The following RFX7 variants were observed in gnomAD, a reference collection of about 807,000 sequenced individuals.
The protein encoded by RFX7 is DNA-binding protein RFX7.
RFX7 carries 26 observed loss-of-function variants against 111.8 expected under a neutral mutation model. That is an observed-to-expected ratio of 0.23 (90% confidence interval 0.17 to 0.32). The LOEUF (loss-of-function observed/expected upper bound fraction) is 0.32. RFX7 is among the 10% of genes least tolerant of loss of function. The pLI is 1.00. For synonymous variants in RFX7, 624 were observed against 624.4 expected, an observed-to-expected ratio of 1.00 and a Z score of 0.01; for missense variants, 1,573 against 1,772.9, an observed-to-expected ratio of 0.89 and a Z score of 2.02.
In RFX7 at chr15:56,090,774, T is replaced by C. The variant is rs2041587103; in HGVS notation, c.*2571A>G. On this transcript the variant is annotated 3_prime_UTR_variant, in exon 10 of 10. Transcript: ENST00000559447. Reference sequence around the variant, plus strand: ...AGCACATTATAGTACAAGACTATTATATGAACCTCAGAAGCACTGCACAAA... The same window carrying C: ...AGCACATTATAGTACAAGACTATTACATGAACCTCAGAAGCACTGCACAAA... 1.3e-5 allele frequency: 2 copies of C among 152,590 alleles called. No homozygotes were observed. Among genetic ancestry groups the C allele is most frequent in the Non-Finnish European group, 2.9e-5 (2 of 68,020 alleles). The allele number at this position is 152,590 out of a possible 1,614,324, so 9.5% of individuals were successfully genotyped here.
chr15:56,229,845 A>C (rs2043530126), intron 2 of RFX7, among the ~76,000 whole-genome samples: 1 of 152,150 alleles, frequency 6.6e-6, no homozygotes, highest in South Asian at 2.1e-4. Flanking sequence ...CCACCCAAAA[A>C]GGAAGGAAGG....
At chr15:56,241,046 T>C (rs1214543863) in intron 2 of RFX7, among the ~76,000 whole-genome samples, 1 of 152,296 alleles carries the variant, frequency 6.6e-6, no homozygotes, top group Non-Finnish European at 1.5e-5. Flanking sequence ...TCCGAAATTT[T>C]AAGTATATAA....
chr15:56,138,472 A>C lies in RFX7; in HGVS notation c.401+4306T>G, dbSNP rs1304354316. ...TTTTTGTTTTCCATTTGCTTGGTAG[A>C]TCTTCCTCCATCCTTTTATTTTGAG... On this transcript the variant is annotated intron_variant, in intron 5 of 9. Transcript: ENST00000559447. Among the ~76,000 whole-genome samples the C allele has an allele frequency of 1.3e-5, 2 of 149,362 alleles. 1 individual carries two copies.
chr15:56,145,681 G>C (rs1343165564), intron 3 of RFX7, among the ~76,000 whole-genome samples: 1 of 152,090 alleles, frequency 6.6e-6, no homozygotes, highest in East Asian at 1.9e-4. Flanking sequence ...ACAGTGTTCA[G>C]TTTGGGAGTG....
At chr15:56,144,527 C>G in intron 3 of RFX7, 44 bp from the exon 4 acceptor site, 1 of 1,144,286 alleles carries the variant, frequency 8.7e-7, no homozygotes, top group Non-Finnish European at 1.2e-6. Context: ...TTAAAAAACA[C>G]TCATTTTTCC....
rs1411438327 is a variant in RFX7, at chr15:56,089,289, G to C, written c.*4056C>G. On this transcript the variant is annotated 3_prime_UTR_variant, in exon 10 of 10. Transcript: ENST00000559447. ...CTATCCTGCTTGGGATGTTATGAGG[G>C]TATAACATCTGAGCTGTGGCAGCCA... is the stretch of plus-strand genomic sequence containing the variant. The C allele has an allele frequency of 6.6e-6, 1 of 152,442 alleles. No individual in the cohort carries two copies. Among genetic ancestry groups the C allele is most frequent in the East Asian group, 1.9e-4 (1 of 5,182 alleles). The allele number at this position is 152,442 out of a possible 1,614,324, so 9.4% of individuals were successfully genotyped here.
chr15:56,243,097 T>TC (rs1483975472), intron 2 of RFX7, 28 bp downstream of exon 2: 1 of 1,357,372 alleles, frequency 7.4e-7, no homozygotes. Flanking sequence ...CTGGGCTTTT[T>TC]CACGCGAGCG....
intron 2 of RFX7, among the ~76,000 whole-genome samples, chr15:56,215,079 C>T (rs2043350428): frequency 6.6e-6 from 1 of 152,176 alleles, no homozygotes. Context: ...TTCTATGACT[C>T]CCATGGATAC....
intron 3 of RFX7, among the ~76,000 whole-genome samples, chr15:56,145,979 T>C (rs2042462797): frequency 6.6e-6 from 1 of 152,102 alleles, no homozygotes; most frequent in African/African-American, 2.4e-5. Flanking sequence ...ACCACCACAG[T>C]TCTTGCCCTT....
chr15:56,105,683 G>C (rs76001411), intron 5 of RFX7, among the ~76,000 whole-genome samples: 1 of 148,122 alleles, frequency 6.8e-6, no homozygotes, highest in African/African-American at 2.7e-5. Flanking sequence ...GGCAGAAGGG[G>C]TAGGAGAAAG....
intron 2 of RFX7, among the ~76,000 whole-genome samples, chr15:56,239,034 G>A (rs527646558): frequency 1.3e-5 from 2 of 151,654 alleles, no homozygotes; most frequent in Admixed American, 6.6e-5. Flanking sequence ...GGGTTTCACC[G>A]TGTTGCCCAG....
chr15:56,109,336 C>T (rs1219082040), intron 5 of RFX7, among the ~76,000 whole-genome samples: 4 of 152,266 alleles, frequency 2.6e-5, no homozygotes, highest in Non-Finnish European at 4.4e-5. Flanking sequence ...ACGGAGTCTC[C>T]TTCACTCAGT....
chr15:56,205,499 A>G (rs1487880027), intron 2 of RFX7, among the ~76,000 whole-genome samples: 1 of 152,182 alleles, frequency 6.6e-6, no homozygotes, highest in African/African-American at 2.4e-5. Flanking sequence ...GAGTGATTTT[A>G]CCCTTTCACT....
intron 2 of RFX7, among the ~76,000 whole-genome samples, chr15:56,187,098 C>G (rs2043047935): frequency 2.0e-5 from 3 of 151,874 alleles, no homozygotes; most frequent in Admixed American, 6.6e-5. Context: ...CTACACATAA[C>G]AATTATACAT....
In RFX7 at chr15:56,094,851, G is replaced by A. The variant is rs768524801; in HGVS notation, c.2877C>T (p.Thr959=). Residue 959 remains threonine (T), a synonymous_variant, in exon 10 of 10, where the codon ACC becomes ACT. Coordinates refer to ENST00000559447, the MANE Select transcript of RFX7 (RefSeq NM_022841.7). ...TPTPTPTPTP[T]PTPTPTSEMI... is the part of the protein sequence containing the mutation. The stretch of plus-strand genomic sequence containing the variant: ...TTTCAGATGTCGGGGTTGGGGTTGG[G>A]GTTGGAGTAGGAGTGGGTGTGGGTG... 92 of 1,554,690 alleles carry A rather than the reference G, an allele frequency of 5.9e-5. 1 individual carries two copies. In the South Asian group the frequency reaches 7.3e-4, roughly 12 times the overall value.
At chr15:56,105,398 G>C (rs2041816486) in intron 5 of RFX7, among the ~76,000 whole-genome samples, 2 of 152,230 alleles carry the variant, frequency 1.3e-5, no homozygotes, top group Non-Finnish European at 2.9e-5. Flanking sequence ...CTCAGCACTA[G>C]GAACAAGATT....
intron 5 of RFX7, among the ~76,000 whole-genome samples, chr15:56,135,982 T>C (rs1218974818): frequency 1.9e-4 from 29 of 152,186 alleles, no homozygotes; most frequent in Non-Finnish European, 3.7e-4. Context: ...TATATCTCTG[T>C]TTTGGTACCA....
chr15:56,124,980 A>T (rs191346858), intron 5 of RFX7, among the ~76,000 whole-genome samples: 4 of 151,938 alleles, frequency 2.6e-5, no homozygotes, highest in African/African-American at 9.7e-5. Context: ...CTAATTTTGT[A>T]GTTTTGGTCT....
At chr15:56,157,811 C>G (rs2042672345) in intron 3 of RFX7, among the ~76,000 whole-genome samples, 1 of 152,180 alleles carries the variant, frequency 6.6e-6, no homozygotes, top group South Asian at 2.1e-4. Flanking sequence ...AACTCCTGAC[C>G]TCAATGATCT....
Sources: gnomAD v4.1 joint callset for allele counts (sites outside exome capture counted in the v4.1 genomes callset) on GRCh38, gnomAD v4.1.1 for gene constraint, MANE v1.5 for transcripts, NCBI Gene and HGNC (gene_info 2026-07-23, HGNC 2026-07-21) for gene names.